The following LINGO2 variants were observed in gnomAD, a reference collection of about 807,000 sequenced individuals.
LINGO2 encodes the protein leucine rich repeat and Ig domain containing 2.
A neutral mutation model predicts 30.6 loss-of-function variants in LINGO2; 14 were observed. That is an observed-to-expected ratio of 0.46 (90% CI 0.30 to 0.72). The LOEUF (loss-of-function observed/expected upper bound fraction) is 0.72, where lower values mean the gene tolerates loss of function less well. LINGO2 is among the 30% of genes least tolerant of loss of function. The pLI, the probability that LINGO2 is intolerant of heterozygous loss-of-function variation, is 0.07. For missense variants in LINGO2, 729 were observed against 751.7 expected (o/e 0.97, Z 0.35); for synonymous variants, 317 against 288.5 (o/e 1.10, Z -1.00).
At chr9:29,188,037 T>TTTTTA in the LINGO2 span, among the ~76,000 whole-genome samples, 15 of 123,682 alleles carry the variant, frequency 1.2e-4, 3 homozygotes, top group East Asian at 1.5e-3. Context: ...TTTTTTTTTT[T>TTTTTA]ATTGATCATT....
the LINGO2 span, among the ~76,000 whole-genome samples, chr9:29,045,015 T>C: frequency 6.6e-6 from 1 of 152,150 alleles, no homozygotes; most frequent in Non-Finnish European, 1.5e-5. Context: ...TCCTTCTTCT[T>C]GTGATGATGT....
chr9:28,409,234 G>T (rs372775731), intron 2 of LINGO2, among the ~76,000 whole-genome samples: 3 of 151,976 alleles, frequency 2.0e-5, no homozygotes, highest in Non-Finnish European at 2.9e-5. Context: ...CTGTGATCCC[G>T]CTACAGGATC....
chr9:28,915,671 C>T, the LINGO2 span, among the ~76,000 whole-genome samples: 1 of 152,144 alleles, frequency 6.6e-6, no homozygotes, highest in Non-Finnish European at 1.5e-5. Context: ...ATGCTGGTCA[C>T]TTAGGAGATA....
chr9:28,645,397 A>G lies in LINGO2; in HGVS notation c.-365+24803T>C, dbSNP rs187203901. Among the ~76,000 whole-genome samples the G allele has an allele frequency of 9.9e-5, 15 of 152,248 alleles. No homozygotes were observed. In the East Asian group the frequency reaches 2.5e-3, roughly 25 times the overall value. ...TTTATCCTGTAGTCAATCCCATGGT[A>G]TTTAAAATAGAAATCAAGCTTTAAA... On this transcript the variant is annotated intron_variant, in intron 1 of 5. Transcript: ENST00000379992.
the LINGO2 span, among the ~76,000 whole-genome samples, chr9:29,059,574 C>T: frequency 6.6e-6 from 1 of 151,776 alleles, no homozygotes; most frequent in East Asian, 1.9e-4. Context: ...ACATTAGACA[C>T]AAATATATCA....
chr9:28,589,518 G>C (rs577430301), intron 1 of LINGO2, among the ~76,000 whole-genome samples: 17 of 152,124 alleles, frequency 1.1e-4, no homozygotes, highest in African/African-American at 3.9e-4. Flanking sequence ...CAGACAAACA[G>C]AGAGCCAAAT....
intron 4 of LINGO2, among the ~76,000 whole-genome samples, chr9:28,026,846 T>C (rs1157965203): frequency 1.3e-5 from 2 of 152,214 alleles, no homozygotes; most frequent in South Asian, 2.1e-4. Flanking sequence ...GTGCCTCAGA[T>C]GTCATTATGA....
intron 5 of LINGO2, among the ~76,000 whole-genome samples, chr9:27,974,135 G>T (rs530497216): frequency 6.6e-6 from 1 of 152,228 alleles, no homozygotes; most frequent in Admixed American, 6.5e-5. Flanking sequence ...CATCACAACT[G>T]CTGCGTGAAC....
chr9:28,429,597 C>T (rs1823564413), intron 2 of LINGO2, among the ~76,000 whole-genome samples: 1 of 152,190 alleles, frequency 6.6e-6, no homozygotes, highest in African/African-American at 2.4e-5. Context: ...GTTGAGACAC[C>T]TGAAATGCTA....
chr9:29,097,997 A>C, the LINGO2 span, among the ~76,000 whole-genome samples: 5 of 88,996 alleles, frequency 5.6e-5, 1 homozygote, highest in Admixed American at 1.1e-4. Context: ...AGCACTATCT[A>C]AATAAAATAC....
At chr9:28,958,798 G>A in the LINGO2 span, among the ~76,000 whole-genome samples, 1 of 152,038 alleles carries the variant, frequency 6.6e-6, no homozygotes, top group African/African-American at 2.4e-5. Context: ...GTGAGAGACT[G>A]AGAGAAAGAG....
At chr9:28,305,148 T>C (rs914581157) in intron 3 of LINGO2, among the ~76,000 whole-genome samples, 6 of 152,062 alleles carry the variant, frequency 3.9e-5, no homozygotes, top group Admixed American at 1.3e-4. Context: ...TCAATTGACA[T>C]ACAAAAAGCA....
At chr9:28,095,039 C>T (rs908953386) in intron 4 of LINGO2, among the ~76,000 whole-genome samples, 1 of 152,084 alleles carries the variant, frequency 6.6e-6, no homozygotes. Flanking sequence ...TAGAATTCCA[C>T]AATTAAAAGT....
At chr9:28,845,352 T>TA in the LINGO2 span, among the ~76,000 whole-genome samples, 1 of 151,924 alleles carries the variant, frequency 6.6e-6, no homozygotes, top group Non-Finnish European at 1.5e-5. Flanking sequence ...GTAAATTCTC[T>TA]AGCATCCATA....
At chr9:29,009,602 TG>T in the LINGO2 span, among the ~76,000 whole-genome samples, 1 of 152,180 alleles carries the variant, frequency 6.6e-6, no homozygotes, top group African/African-American at 2.4e-5. Context: ...ATGGCCATAC[TG>T]TCCAAGGTAA....
At chr9:29,066,240 T>A in the LINGO2 span, among the ~76,000 whole-genome samples, 3 of 152,040 alleles carry the variant, frequency 2.0e-5, no homozygotes, top group Admixed American at 2.0e-4. Context: ...GGGAACACAC[T>A]ATAGAGAATT....
intron 1 of LINGO2, among the ~76,000 whole-genome samples, chr9:28,519,875 A>G (rs532341484): frequency 1.4e-4 from 21 of 151,884 alleles, no homozygotes; most frequent in African/African-American, 4.8e-4. Flanking sequence ...TTGATCCCCA[A>G]TTTTTTTTCT....
rs535801344 is a variant in LINGO2, at chr9:28,080,186, T to C, written c.-86-67781A>G. 2.0e-5 allele frequency among the ~76,000 whole-genome samples: 3 copies of C among 152,368 alleles called. No individual in the cohort carries two copies. In the South Asian group the frequency reaches 6.2e-4, roughly 32 times the overall value. On this transcript the variant is annotated intron_variant, in intron 4 of 5. Coordinates refer to ENST00000379992, the Ensembl canonical transcript of LINGO2. ...TCCAAATAGTAGCCAAAGTTGTCTC[T>C]TAAAATACACATCATGTTTTCTTAT...
chr9:29,174,856 T>A, the LINGO2 span, among the ~76,000 whole-genome samples: 1 of 152,326 alleles, frequency 6.6e-6, no homozygotes, highest in South Asian at 2.1e-4. Context: ...TGGATAACTT[T>A]TAGTATATTT....
Sources: gnomAD v4.1 joint callset for allele counts (sites outside exome capture counted in the v4.1 genomes callset) on GRCh38, gnomAD v4.1.1 for gene constraint, MANE v1.5 for transcripts, NCBI Gene and HGNC (gene_info 2026-07-23, HGNC 2026-07-21) for gene names.